RGS7: variants seen among roughly 807,000 people sequenced by gnomAD.
RGS7 encodes the protein regulator of G-protein signaling 7.
A neutral mutation model predicts 81.1 loss-of-function variants in RGS7; 27 were observed. The ratio of observed to expected loss-of-function variants is 0.33; its 90% CI spans 0.25 to 0.46. The LOEUF is 0.46. Ranked by LOEUF, RGS7 falls within the 20% of genes least tolerant of loss-of-function variation. The pLI, the probability that RGS7 is intolerant of heterozygous loss-of-function variation, is 1.00. For missense variants in RGS7, 396 were observed against 607.4 expected (o/e 0.65, Z 3.66); for synonymous variants, 208 against 207.7 (o/e 1.00, Z -0.01).
chr1:240,832,033 C>T (rs908276662), intron 9 of RGS7, among the ~76,000 whole-genome samples: 3 of 152,030 alleles, frequency 2.0e-5, no homozygotes, highest in Non-Finnish European at 4.4e-5. Flanking sequence ...TTTTCAATCT[C>T]GATGAGACCA....
At chr1:240,914,400 C>T (rs912841413) in intron 6 of RGS7, among the ~76,000 whole-genome samples, 1 of 152,086 alleles carries the variant, frequency 6.6e-6, no homozygotes, top group Non-Finnish European at 1.5e-5. Flanking sequence ...ACAGCAGCTC[C>T]AAAGCTAAAG....
At chr1:241,087,592 T>G (rs1159998145) in intron 3 of RGS7, among the ~76,000 whole-genome samples, 1 of 152,138 alleles carries the variant, frequency 6.6e-6, no homozygotes, top group East Asian at 1.9e-4. Flanking sequence ...TACTTACTGT[T>G]CATGAGTTTA....
chr1:241,034,018 C>T (rs2060212870), intron 3 of RGS7, among the ~76,000 whole-genome samples: 1 of 152,170 alleles, frequency 6.6e-6, no homozygotes, highest in Non-Finnish European at 1.5e-5. Flanking sequence ...GGAACTCTTG[C>T]ACGAAGAAGC....
intron 2 of RGS7, among the ~76,000 whole-genome samples, chr1:241,293,058 A>G (rs4660062): frequency 0.86 from 130,372 of 152,226 alleles, 56,087 homozygotes; most frequent in East Asian, 1. Context: ...CACATGCGGT[A>G]CATATAAAGT....
chr1:241,278,947 TC>T (rs2078348740), intron 2 of RGS7, among the ~76,000 whole-genome samples: 1 of 152,126 alleles, frequency 6.6e-6, no homozygotes, highest in African/African-American at 2.4e-5. Context: ...GGAAGCAGGA[TC>T]CCTTTACTCC....
intron 2 of RGS7, among the ~76,000 whole-genome samples, chr1:241,313,393 T>G (rs1359185343): frequency 6.6e-6 from 1 of 152,228 alleles, no homozygotes; most frequent in Non-Finnish European, 1.5e-5. Flanking sequence ...CTAATGCCGC[T>G]GGTGACTTTA....
At chr1:240,935,809 A>G (rs1572855294) in intron 5 of RGS7, among the ~76,000 whole-genome samples, 1 of 152,332 alleles carries the variant, frequency 6.6e-6, no homozygotes, top group East Asian at 1.9e-4. Flanking sequence ...AAAGTCTGAA[A>G]GTTGGACTGT....
intron 4 of RGS7, among the ~76,000 whole-genome samples, chr1:240,954,441 T>G (rs1680028072): frequency 6.6e-6 from 1 of 152,128 alleles, no homozygotes; most frequent in Non-Finnish European, 1.5e-5. Flanking sequence ...TGATACAGCA[T>G]TTGAAAATCA....
intron 4 of RGS7, among the ~76,000 whole-genome samples, chr1:240,975,977 G>A (rs1285096230): frequency 6.6e-6 from 1 of 152,240 alleles, no homozygotes; most frequent in Non-Finnish European, 1.5e-5. Flanking sequence ...TAGTGGATGA[G>A]GCAATAGCAA....
chr1:240,827,864 C>CAAAAAAAAAAAAA (rs57562408), intron 9 of RGS7, among the ~76,000 whole-genome samples: 1 of 52,864 alleles, frequency 1.9e-5, no homozygotes, highest in Non-Finnish European at 4.1e-5. Flanking sequence ...AACTCCATTG[C>CAAAAAAAAAAAAA]AAAAAAAAAA....
chr1:241,242,347 TA>T (rs2076305890), intron 2 of RGS7, among the ~76,000 whole-genome samples: 3 of 149,718 alleles, frequency 2.0e-5, no homozygotes, highest in Non-Finnish European at 4.5e-5. Context: ...GATAGATAGA[TA>T]GATACAATTT....
chr1:241,086,284 G>A (rs939035776), intron 3 of RGS7, among the ~76,000 whole-genome samples: 5 of 152,180 alleles, frequency 3.3e-5, no homozygotes, highest in African/African-American at 7.2e-5. Context: ...AGAAAGAAAG[G>A]AAGAGAGAAT....
chr1:240,840,745 C>T (rs762807392), intron 9 of RGS7, among the ~76,000 whole-genome samples: 2 of 152,328 alleles, frequency 1.3e-5, no homozygotes, highest in Non-Finnish European at 1.5e-5. Context: ...CTCTGTCTTT[C>T]ACCACTGAGG....
At chr1:240,822,967 TCATCAGGG>T in intron 10 of RGS7, 1 of 507,282 alleles carries the variant, frequency 2.0e-6, no homozygotes, top group Non-Finnish European at 3.6e-6. Flanking sequence ...ACATTTTTTT[TCATCAGGG>T]GCTATTCATC....
At position 241,210,540 on chromosome 1, in the gene RGS7, G is replaced by A. The variant is rs185259525; in HGVS notation, c.79-111778C>T. Among the ~76,000 whole-genome samples the A allele has an allele frequency of 1.6e-3, 238 of 152,328 alleles. 2 individuals are homozygous for A. Among genetic ancestry groups the A allele is most frequent in the Non-Finnish European group, 1.2e-3 (84 of 68,030 alleles). On this transcript the variant is annotated intron_variant, in intron 2 of 18. Coordinates refer to ENST00000440928, the MANE Select transcript of RGS7 (RefSeq NM_001364886.1). The stretch of plus-strand genomic sequence containing the variant: ...ACAGAAAGAAGGGTAGAACATGAGA[G>A]TTTGAGTGAGGACTTCAAACCCTTC...
At chr1:240,952,205 T>C (rs1034466480) in intron 4 of RGS7, among the ~76,000 whole-genome samples, 5 of 151,964 alleles carry the variant, frequency 3.3e-5, no homozygotes, top group Non-Finnish European at 7.4e-5. Flanking sequence ...AGAAAGAACA[T>C]CAGGGAAGAA....
At position 241,091,392 on chromosome 1, in the gene RGS7, C is replaced by CA. The variant is rs1455113983; in HGVS notation, c.175+7273dup. 5.3e-5 allele frequency among the ~76,000 whole-genome samples: 8 copies of CA among 151,580 alleles called. No individual in the cohort carries two copies. The East Asian group carries it at 1.6e-3, about 30-fold the overall frequency. ...TGAAACCCCGTCTCTATTAAAAATA[C>CA]AAAAAATTAGCCAAATGTGGTGGCA... On this transcript the variant is annotated intron_variant, in intron 3 of 18. Coordinates refer to ENST00000440928, the MANE Select transcript of RGS7 (RefSeq NM_001364886.1).
chr1:241,003,109 A>C (rs1412999758), intron 3 of RGS7, among the ~76,000 whole-genome samples: 2 of 152,204 alleles, frequency 1.3e-5, no homozygotes, highest in African/African-American at 4.8e-5. Flanking sequence ...ACAAAGATAT[A>C]TACTCACACA....
chr1:241,254,270 G>A (rs538992905), intron 2 of RGS7, among the ~76,000 whole-genome samples: 205 of 152,164 alleles, frequency 1.3e-3, no homozygotes, highest in Non-Finnish European at 2.4e-3. Flanking sequence ...GAAGAATATG[G>A]GAGTAGTTTG....
Sources: allele counts gnomAD v4.1 joint callset (sites outside exome capture counted in the v4.1 genomes callset), GRCh38; gene constraint gnomAD v4.1.1; transcripts MANE v1.5; gene names NCBI Gene and HGNC (gene_info 2026-07-23, HGNC 2026-07-21).